Variants in CAPRIN2 observed in about 807,000 individuals in gnomAD.
CAPRIN2 encodes caprin family member 2.
In CAPRIN2, 66 loss-of-function variants were observed where a neutral mutation model predicts 130.4. That is an observed-to-expected ratio of 0.51 (90% confidence interval 0.42 to 0.62). The LOEUF (loss-of-function observed/expected upper bound fraction) is 0.62, where lower values mean the gene tolerates loss of function less well. Ranked by LOEUF, CAPRIN2 falls within the 20% of genes least tolerant of loss-of-function variation. CAPRIN2 has a pLI of 0.00. For synonymous variants in CAPRIN2, 471 were observed against 444.1 expected, an observed-to-expected ratio of 1.06 and a Z score of -0.76; for missense variants, 1,185 against 1,246.6, an observed-to-expected ratio of 0.95 and a Z score of 0.74.
chr12:30,749,511 A>G (rs1459327762), intron 2 of CAPRIN2, among the ~76,000 whole-genome samples: 1 of 152,224 alleles, frequency 6.6e-6, no homozygotes, highest in Non-Finnish European at 1.5e-5. Context: ...CTAGATGAAG[A>G]TGGCAGAAAT....
Position 30,725,173 on chromosome 12 carries a change from G to A in CAPRIN2, c.1906-722C>T, listed in dbSNP as rs370270220. ...TCTCAACCATTTACTAGCTCATGCT[G>A]TTAAAACATTTTCAAGATGAGAAAT... On this transcript the variant is annotated intron_variant, in intron 9 of 16. Coordinates refer to ENST00000298892, the Ensembl canonical transcript of CAPRIN2. 6.7e-4 allele frequency among the ~76,000 whole-genome samples: 102 copies of A among 152,288 alleles called. 2 individuals are homozygous for A. The highest frequency in any genetic ancestry group is 2.3e-3 in the African/African-American group (97 of 41,562).
rs1256654078 is a variant in CAPRIN2, at chr12:30,709,713, C to A, written c.*189G>T. On this transcript the variant is annotated 3_prime_UTR_variant, in exon 17 of 17. Coordinates refer to ENST00000298892, the Ensembl canonical transcript of CAPRIN2. Reference sequence around the variant, plus strand: ...AGGCTACATCACAATTTATAAAGTGCCAGATTAGTGCTAATTGTCATTCAG... The same window carrying A: ...AGGCTACATCACAATTTATAAAGTGACAGATTAGTGCTAATTGTCATTCAG... 7 of 571,392 alleles carry A rather than the reference C, an allele frequency of 1.2e-5. No individual in the cohort carries two copies. The South Asian group carries it at 1.6e-4, about 13-fold the overall frequency. 35.4% of individuals were successfully genotyped at this position (571,392 alleles called of 1,614,324 possible). A position where few individuals can be genotyped will look rare whatever the true frequency, so the allele number is the denominator to read the frequency against.
At chr12:30,753,657 C>T in exon 1 of CAPRIN2, 2 of 1,614,158 alleles carry the variant, frequency 1.2e-6, no homozygotes, top group Non-Finnish European at 1.7e-6. Flanking sequence ...ACTAGAGGGA[C>T]ACAGCCAGGC....
intron 2 of CAPRIN2, among the ~76,000 whole-genome samples, chr12:30,744,517 T>G (rs1175929804): frequency 2.6e-5 from 4 of 152,202 alleles, no homozygotes; most frequent in Non-Finnish European, 5.9e-5. Flanking sequence ...CCTTTACGCA[T>G]GCAAGCATCT....
At chr12:30,722,282 A>AC (rs1465306181) in intron 11 of CAPRIN2, among the ~76,000 whole-genome samples, 1 of 152,196 alleles carries the variant, frequency 6.6e-6, no homozygotes, top group Non-Finnish European at 1.5e-5. Flanking sequence ...GTTCCAAAAA[A>AC]TGGGTATGAA....
chr12:30,748,885 A>G (rs928912013), intron 2 of CAPRIN2, among the ~76,000 whole-genome samples: 13 of 152,348 alleles, frequency 8.5e-5, no homozygotes, highest in African/African-American at 2.9e-4. Flanking sequence ...CAATGAACAG[A>G]CAAAATCCTT....
exon 8 of CAPRIN2, chr12:30,728,942 C>T (rs749703064): frequency 6.2e-6 from 10 of 1,614,170 alleles, no homozygotes; most frequent in East Asian, 2.2e-5. Context: ...GAACTGGCCA[C>T]AGCTTTGGTG....
In CAPRIN2 at chr12:30,710,203, TCTC is replaced by T. The variant is rs1350095728; in HGVS notation, c.2930_2932del (p.Gly977del). ...TCTACCAAGCTGAAGATCAAAAGTT[TCTC>T]CTAAGTTGTTCAGAAGAAGATCAAA... On this transcript the variant is annotated inframe_deletion, in exon 17 of 17. Transcript: ENST00000298892. This position sits in a 1 kb window ranked among gnomAD's most constrained non-coding sequence, Gnocchi z 4.8. 7 of 1,614,026 alleles carry T rather than the reference TCTC, an allele frequency of 4.3e-6. No individual in the cohort carries two copies. The highest frequency in any genetic ancestry group is 5.9e-6 in the Non-Finnish European group (7 of 1,180,036).
chr12:30,748,093 G>C (rs2139663272), intron 2 of CAPRIN2, among the ~76,000 whole-genome samples: 1 of 152,308 alleles, frequency 6.6e-6, no homozygotes, highest in Non-Finnish European at 1.5e-5. Flanking sequence ...AAGATATTAT[G>C]AACATTGTTG....
chr12:30,710,566 A>G lies in CAPRIN2; in HGVS notation c.2666-96T>C. The G allele has an allele frequency of 2.6e-6, 4 of 1,546,924 alleles. No homozygotes were observed. The highest frequency in any genetic ancestry group is 2.6e-6 in the Non-Finnish European group (3 of 1,152,238). On this transcript the variant is annotated intron_variant, in intron 16 of 16. Coordinates refer to ENST00000298892, the Ensembl canonical transcript of CAPRIN2. This position sits in a 1 kb window ranked among gnomAD's most constrained non-coding sequence, Gnocchi z 4.8. ...CGGCTACTGAAACAGACAAAGATAC[A>G]TTTTATAGTAAATTCCAAAACAAAA...
At chr12:30,749,383 G>A (rs1402428931) in intron 2 of CAPRIN2, among the ~76,000 whole-genome samples, 1 of 152,198 alleles carries the variant, frequency 6.6e-6, no homozygotes, top group Non-Finnish European at 1.5e-5. Flanking sequence ...ACTTGCATCA[G>A]TACAGGATCA....
In CAPRIN2 at chr12:30,710,036, C is replaced by T; in HGVS notation, c.3100G>A (p.Glu1034Lys). ...AGAATTGCATGATTGCTAGCAGTTTCATGGTCTGGAGCACCATCATTGGCA... is the reference window on the plus strand; with the variant it reads ...AGAATTGCATGATTGCTAGCAGTTTTATGGTCTGGAGCACCATCATTGGCA... The change falls in exon 17 of 17, where the codon GAA (glutamate) becomes AAA (lysine). Residue 1034 changes from glutamate to lysine, a missense_variant. Around this residue, in one of 2 missense-constraint regions of CAPRIN2, gnomAD observed 81 missense variants for 142.2 expected, o/e 0.57. Transcript: ENST00000298892. This position sits in a 1 kb window ranked among gnomAD's most constrained non-coding sequence, Gnocchi z 4.8. 1 of 1,614,180 alleles carries T rather than the reference C, an allele frequency of 6.2e-7. No homozygotes were observed. Among genetic ancestry groups the T allele is most frequent in the Non-Finnish European group, 8.5e-7 (1 of 1,180,022 alleles).
intron 12 of CAPRIN2, among the ~76,000 whole-genome samples, chr12:30,718,361 G>A (rs1245036835): frequency 6.6e-6 from 1 of 152,132 alleles, no homozygotes; most frequent in South Asian, 2.1e-4. Context: ...ATCTCCCGGG[G>A]TGGTGCCTGC....
intron 12 of CAPRIN2, 79 bp downstream of exon 13, chr12:30,720,732 T>A: frequency 1.2e-6 from 1 of 818,914 alleles, no homozygotes; most frequent in East Asian, 2.5e-5. Context: ...ATTCAACTAA[T>A]CATGCCTGTA....
chr12:30,713,279 A>G (rs946237913), intron 15 of CAPRIN2, among the ~76,000 whole-genome samples: 13 of 152,214 alleles, frequency 8.5e-5, no homozygotes, highest in African/African-American at 2.9e-4. Context: ...GTCTTTTACC[A>G]TATGTAGTAA....
intron 5 of CAPRIN2, among the ~76,000 whole-genome samples, chr12:30,732,064 T>A (rs1030216834): frequency 6.6e-6 from 1 of 151,722 alleles, no homozygotes; most frequent in African/African-American, 2.4e-5. Context: ...ATATTATTAA[T>A]CTATTTTAGA....
intron 11 of CAPRIN2, among the ~76,000 whole-genome samples, chr12:30,721,314 T>C (rs1337062874): frequency 6.6e-6 from 1 of 151,674 alleles, no homozygotes; most frequent in African/African-American, 2.4e-5. Flanking sequence ...GAGCTCCGGG[T>C]ACGTTTAACA....
At position 30,753,308 on chromosome 12, in the gene CAPRIN2, A is replaced by C. The variant is rs1363454081; in HGVS notation, c.420+36T>G. On this transcript the variant is annotated intron_variant, in intron 1 of 16. Coordinates refer to ENST00000298892, the Ensembl canonical transcript of CAPRIN2. ...AAATGTCAGCTCCTTAATCTTTAAG[A>C]TCATGCATCTACAGGACTGGAAGAA... is the stretch of plus-strand genomic sequence containing the variant. 8 of 1,520,788 alleles carry C rather than the reference A, an allele frequency of 5.3e-6. No homozygotes were observed. The Admixed American group carries it at 5.8e-5, about 11-fold the overall frequency. The allele number at this position is 1,520,788 out of a possible 1,614,324, so 94.2% of individuals were successfully genotyped here.
intron 12 of CAPRIN2, chr12:30,720,264 A>T (rs1161100066): frequency 6.6e-6 from 1 of 152,316 alleles, no homozygotes; most frequent in East Asian, 1.9e-4. Flanking sequence ...TTGTATTTTT[A>T]GTAGAGATGG....
Sources: allele counts gnomAD v4.1 joint callset (sites outside exome capture counted in the v4.1 genomes callset), GRCh38; gene constraint gnomAD v4.1.1; regional missense constraint gnomAD v4.1.1; non-coding constraint Gnocchi (gnomAD v3.1); transcripts MANE v1.5; gene names NCBI Gene and HGNC (gene_info 2026-07-23, HGNC 2026-07-21).